TMEM181: variants seen among roughly 807,000 people sequenced by gnomAD.
The protein encoded by TMEM181 is transmembrane protein 181.
Under a neutral mutation model 71.9 loss-of-function variants are expected in TMEM181, and 39 were observed. That is an observed-to-expected ratio of 0.54 (90% CI 0.42 to 0.71). The LOEUF (loss-of-function observed/expected upper bound fraction) is 0.71. Ranked by LOEUF, TMEM181 falls within the 30% of genes least tolerant of loss-of-function variation. The pLI, the probability that TMEM181 is intolerant of heterozygous loss-of-function variation, is 0.00. For missense variants in TMEM181, 595 were observed against 583.0 expected, an observed-to-expected ratio of 1.02 and a Z score of -0.21; for synonymous variants, 245 against 228.8, an observed-to-expected ratio of 1.07 and a Z score of -0.64.
At chr6:158,630,674 A>G (rs754363338) in intron 15 of TMEM181, among the ~76,000 whole-genome samples, 1 of 151,636 alleles carries the variant, frequency 6.6e-6, no homozygotes, top group Admixed American at 6.6e-5. Flanking sequence ...ACATAACCCC[A>G]TCGTAAGTCA....
Position 158,631,396 on chromosome 6 carries a change from C to T in TMEM181, c.1349+7C>T. 6.2e-7 allele frequency: 1 copy of T among 1,614,130 alleles called. No homozygotes were observed. Among genetic ancestry groups the T allele is most frequent in the Non-Finnish European group, 8.5e-7 (1 of 1,179,994 alleles). ...ATGATGATGTGATTTATGGGTAAGT[C>T]CCTGTCCGTTAGAAGGCCGGCACAC... On this transcript the variant is annotated splice_region_variant and intron_variant, in intron 16 of 16. Coordinates refer to ENST00000684151, the MANE Select transcript of TMEM181 (RefSeq NM_001376852.1).
intron 5 of TMEM181, among the ~76,000 whole-genome samples, chr6:158,585,718 A>C (rs544092504): frequency 1.3e-5 from 2 of 152,300 alleles, no homozygotes; most frequent in Non-Finnish European, 2.9e-5. Flanking sequence ...CATACACGGT[A>C]CTTGTTTTTA....
intron 3 of TMEM181, among the ~76,000 whole-genome samples, chr6:158,582,334 A>C (rs564056686): frequency 5.2e-4 from 79 of 152,272 alleles, no homozygotes; most frequent in Non-Finnish European, 8.8e-4. Flanking sequence ...GACCATCCTC[A>C]CTTCACTAAG....
intron 1 of TMEM181, among the ~76,000 whole-genome samples, chr6:158,572,015 G>A (rs989851788): frequency 2.6e-5 from 4 of 152,202 alleles, no homozygotes; most frequent in South Asian, 2.1e-4. Flanking sequence ...ACTGAGTCCC[G>A]GGGCAGCTGT....
At chr6:158,617,573 G>C (rs1327556940) in intron 10 of TMEM181, among the ~76,000 whole-genome samples, 1 of 152,124 alleles carries the variant, frequency 6.6e-6, no homozygotes, top group Non-Finnish European at 1.5e-5. Context: ...TGATGTTAGG[G>C]TGTCAATTTT....
chr6:158,537,193 C>G (rs1027467289), intron 1 of TMEM181, among the ~76,000 whole-genome samples: 1 of 152,016 alleles, frequency 6.6e-6, no homozygotes, highest in African/African-American at 2.4e-5. Context: ...TGTGGCTCCT[C>G]CCTGCGCCCC....
intron 3 of TMEM181, among the ~76,000 whole-genome samples, chr6:158,582,311 C>G (rs1783527251): frequency 6.6e-6 from 1 of 152,176 alleles, no homozygotes; most frequent in Admixed American, 6.5e-5. Flanking sequence ...ACTGAACTGA[C>G]TTGCTTCCAA....
At chr6:158,580,416 T>C (rs1783407193) in intron 2 of TMEM181, among the ~76,000 whole-genome samples, 2 of 152,144 alleles carry the variant, frequency 1.3e-5, no homozygotes, top group African/African-American at 4.8e-5. Flanking sequence ...ACAGTAAAAA[T>C]TGGAAAAAAA....
intron 6 of TMEM181, among the ~76,000 whole-genome samples, chr6:158,590,358 GATAC>G (rs1784037044): frequency 7.4e-6 from 1 of 135,766 alleles, no homozygotes; most frequent in South Asian, 2.3e-4. Context: ...ATTAAATGAA[GATAC>G]TAATGGATAC....
At chr6:158,571,998 T>TG (rs1782879376) in intron 1 of TMEM181, among the ~76,000 whole-genome samples, 1 of 152,162 alleles carries the variant, frequency 6.6e-6, no homozygotes, top group Non-Finnish European at 1.5e-5. Flanking sequence ...TGTGGGTGAG[T>TG]GTTTGCACTG....
At chr6:158,631,483 CA>C in intron 16 of TMEM181, 94 bp downstream of exon 16, 1 of 1,388,590 alleles carries the variant, frequency 7.2e-7, no homozygotes, top group Non-Finnish European at 1.0e-6. Context: ...AAATTATTTT[CA>C]AGGTATGAAG....
At chr6:158,596,390 G>A (rs1784392874) in intron 6 of TMEM181, among the ~76,000 whole-genome samples, 1 of 152,154 alleles carries the variant, frequency 6.6e-6, no homozygotes, top group Non-Finnish European at 1.5e-5. Flanking sequence ...CAACCTTTGA[G>A]GGTTTCTGTT....
intron 5 of TMEM181, among the ~76,000 whole-genome samples, chr6:158,588,974 G>T (rs959241478): frequency 1.2e-4 from 18 of 152,206 alleles, no homozygotes; most frequent in African/African-American, 4.3e-4. Context: ...TGCATGGCTG[G>T]TGGGTGCACC....
chr6:158,540,800 C>T (rs1238790757), intron 1 of TMEM181, among the ~76,000 whole-genome samples: 1 of 152,042 alleles, frequency 6.6e-6, no homozygotes. Flanking sequence ...AGAGTCTCAC[C>T]CCTGTCACCA....
rs1368351918 is a variant in TMEM181 at position 158,625,137 on chromosome 6, G to T, written c.988G>T (p.Val330Leu). The change falls in exon 12 of 17, where the codon GTG becomes TTG. Residue 330 changes from valine (V) to leucine (L), a missense_variant. Physicochemically the swap from Val to Leu is conservative, Grantham distance 32. Coordinates refer to ENST00000684151, the MANE Select transcript of TMEM181 (RefSeq NM_001376852.1). ...GGTCTTCTTCATGGTGGTGGCAGCG[G>T]TGTACATTCTGTACCTCTTGTTCTT... Reference protein sequence around the residue: ...MKVFFMVVAAVYILYLLFLIV... With the variant: ...MKVFFMVVAALYILYLLFLIV... 6.2e-7 allele frequency: 1 copy of T among 1,614,210 alleles called. No individual in the cohort carries two copies. Among genetic ancestry groups the T allele is most frequent in the Non-Finnish European group, 8.5e-7 (1 of 1,180,024 alleles).
Position 158,628,402 on chromosome 6 carries a change from G to A in TMEM181, c.1110-6G>A. On this transcript the variant is annotated splice_region_variant and splice_polypyrimidine_tract_variant and intron_variant, in intron 13 of 16. Coordinates refer to ENST00000684151, the MANE Select transcript of TMEM181 (RefSeq NM_001376852.1). ...CATATTGTCTCTGCTCCTCTGTCTT[G>A]TTCAGCATCGCCATCCTTTATTTGA... is the stretch of plus-strand genomic sequence containing the variant. 1 of 1,614,116 alleles carries A rather than the reference G, an allele frequency of 6.2e-7. No individual in the cohort carries two copies. The highest frequency in any genetic ancestry group is 8.5e-7 in the Non-Finnish European group (1 of 1,179,998).
chr6:158,545,549 G>A (rs1037737312), intron 1 of TMEM181, among the ~76,000 whole-genome samples: 6 of 152,260 alleles, frequency 3.9e-5, no homozygotes, highest in Non-Finnish European at 8.8e-5. Context: ...GCAGGGGCAC[G>A]TGGCGGGTGG....
rs574399066 is a variant in TMEM181 at position 158,604,332 on chromosome 6, A to G, written c.493-935A>G. On this transcript the variant is annotated intron_variant, in intron 6 of 16. Coordinates refer to ENST00000684151, the MANE Select transcript of TMEM181 (RefSeq NM_001376852.1). ...TTAAATCATCCTTGTGCATGCGTGC[A>G]TGCGTGTGTGTGTGTGTGTGCGTGA... Among the ~76,000 whole-genome samples the G allele has an allele frequency of 3.5e-3, 439 of 124,012 alleles. 2 individuals carry two copies. The highest frequency in any genetic ancestry group is 0.012 in the African/African-American group (418 of 34,962). 81.4% of individuals were successfully genotyped at this position (124,012 alleles called of 152,430 possible). A position where few individuals can be genotyped will look rare whatever the true frequency, so the allele number is the denominator to read the frequency against.
chr6:158,604,805 T>C (rs1332650892), intron 6 of TMEM181, among the ~76,000 whole-genome samples: 1 of 152,218 alleles, frequency 6.6e-6, no homozygotes, highest in African/African-American at 2.4e-5. Context: ...TCCGAATGCT[T>C]TTATGATTAT....
Sources: allele counts gnomAD v4.1 joint callset (sites outside exome capture counted in the v4.1 genomes callset), GRCh38; gene constraint gnomAD v4.1.1; transcripts MANE v1.5; gene names NCBI Gene and HGNC (gene_info 2026-07-23, HGNC 2026-07-21).